SPATS2: variants seen among roughly 807,000 people sequenced by gnomAD.
SPATS2 encodes spermatogenesis-associated serine-rich protein 2.
Under a neutral mutation model 63.7 loss-of-function variants are expected in SPATS2, and 38 were observed. That is an observed-to-expected ratio of 0.60 (90% CI 0.46 to 0.78). SPATS2 has a LOEUF of 0.78. SPATS2 is among the 30% of genes least tolerant of loss of function. The pLI is 0.00. For synonymous variants in SPATS2, 207 were observed against 232.9 expected, an observed-to-expected ratio of 0.89 and a Z score of 1.01; for missense variants, 588 against 666.2, an observed-to-expected ratio of 0.88 and a Z score of 1.29.
At chr12:49,458,199 T>C (rs1285483245) in intron 2 of SPATS2, among the ~76,000 whole-genome samples, 1 of 152,182 alleles carries the variant, frequency 6.6e-6, no homozygotes, top group African/African-American at 2.4e-5. Flanking sequence ...CCAGGCATGG[T>C]GGCTCATGCC....
chr12:49,384,394 G>A (rs1218982866), intron 2 of SPATS2, among the ~76,000 whole-genome samples: 1 of 152,196 alleles, frequency 6.6e-6, no homozygotes, highest in Non-Finnish European at 1.5e-5. Flanking sequence ...GTTGAAAAGT[G>A]AAAGTCTCCC....
intron 3 of SPATS2, among the ~76,000 whole-genome samples, chr12:49,481,654 G>A (rs1341449818): frequency 6.6e-6 from 1 of 151,696 alleles, no homozygotes; most frequent in Non-Finnish European, 1.5e-5. Context: ...TTTTAGTAGA[G>A]ACGGGGTTTC....
chr12:49,485,227 C>T (rs1052017121), intron 4 of SPATS2, among the ~76,000 whole-genome samples: 6 of 151,836 alleles, frequency 4.0e-5, no homozygotes, highest in African/African-American at 1.2e-4. Flanking sequence ...CCACCATGCC[C>T]GGCTAATTTT....
At chr12:49,450,745 T>G (rs560194862) in intron 2 of SPATS2, among the ~76,000 whole-genome samples, 1 of 152,130 alleles carries the variant, frequency 6.6e-6, no homozygotes, top group African/African-American at 2.4e-5. Context: ...GGTTTCTCCA[T>G]GTTGATCAGG....
At chr12:49,418,941 ACAGTTCCTTAACTT>A (rs2137406363) in intron 2 of SPATS2, among the ~76,000 whole-genome samples, 1 of 152,312 alleles carries the variant, frequency 6.6e-6, no homozygotes, top group South Asian at 2.1e-4. Flanking sequence ...AGACTTCACT[ACAGTTCCTTAACTT>A]CAGTTGTAAT....
At chr12:49,372,562 G>A (rs185790279) in intron 2 of SPATS2, among the ~76,000 whole-genome samples, 74 of 152,206 alleles carry the variant, frequency 4.9e-4, no homozygotes, top group East Asian at 1.3e-3. Flanking sequence ...ATGAATGATC[G>A]TCTTAAGAAT....
chr12:49,401,879 G>A (rs909565278), intron 2 of SPATS2, among the ~76,000 whole-genome samples: 1 of 152,118 alleles, frequency 6.6e-6, no homozygotes, highest in Non-Finnish European at 1.5e-5. Flanking sequence ...TGTATTTTTA[G>A]TAGAGACAGG....
chr12:49,401,677 T>G (rs561813246), intron 2 of SPATS2, among the ~76,000 whole-genome samples: 1 of 152,310 alleles, frequency 6.6e-6, no homozygotes, highest in East Asian at 1.9e-4. Flanking sequence ...TTCTTTTCTT[T>G]TTTAGTTTTT....
chr12:49,449,247 GCT>G (rs1945573156), intron 2 of SPATS2, among the ~76,000 whole-genome samples: 1 of 152,028 alleles, frequency 6.6e-6, no homozygotes, highest in Non-Finnish European at 1.5e-5. Context: ...GCAGAGTCTC[GCT>G]CTGTCGCCCA....
chr12:49,373,544 C>T (rs1003515323), intron 2 of SPATS2, among the ~76,000 whole-genome samples: 50 of 152,164 alleles, frequency 3.3e-4, no homozygotes, highest in Middle Eastern at 3.4e-3. Flanking sequence ...TCAGTCCTAG[C>T]ACTTTGAGAG....
chr12:49,459,980 C>A (rs1253249220), intron 2 of SPATS2, among the ~76,000 whole-genome samples: 1 of 149,030 alleles, frequency 6.7e-6, no homozygotes, highest in Non-Finnish European at 1.5e-5. Flanking sequence ...TGGTGGCAGG[C>A]GCCTGTAATC....
At chr12:49,474,923 A>G (rs929044441) in intron 3 of SPATS2, among the ~76,000 whole-genome samples, 5 of 152,230 alleles carry the variant, frequency 3.3e-5, no homozygotes, top group Non-Finnish European at 5.9e-5. Context: ...AGCAAGTCAC[A>G]TCTTAATGTG....
At chr12:49,470,261 A>G (rs1946011823) in intron 3 of SPATS2, among the ~76,000 whole-genome samples, 2 of 152,044 alleles carry the variant, frequency 1.3e-5, no homozygotes, top group Admixed American at 1.3e-4. Context: ...TGAACTCCTG[A>G]CCTCAGGAGA....
intron 2 of SPATS2, among the ~76,000 whole-genome samples, chr12:49,383,268 C>T (rs1944255055): frequency 6.6e-6 from 1 of 152,102 alleles, no homozygotes; most frequent in South Asian, 2.1e-4. Context: ...ATCCGCCTGC[C>T]TCGGCCTCTC....
chr12:49,467,301 A>G (rs1945939917), intron 3 of SPATS2, among the ~76,000 whole-genome samples: 1 of 148,076 alleles, frequency 6.8e-6, no homozygotes, highest in African/African-American at 2.5e-5. Flanking sequence ...TGACCTCGTG[A>G]TCCGCCCACC....
intron 2 of SPATS2, among the ~76,000 whole-genome samples, chr12:49,381,604 G>A (rs1592343370): frequency 6.6e-6 from 1 of 152,302 alleles, no homozygotes; most frequent in East Asian, 1.9e-4. Context: ...TCTAGTTTTA[G>A]CTGAGATTTA....
At chr12:49,467,697 C>T (rs891058578) in intron 3 of SPATS2, among the ~76,000 whole-genome samples, 1 of 152,038 alleles carries the variant, frequency 6.6e-6, no homozygotes, top group African/African-American at 2.4e-5. Flanking sequence ...GTACACTAGA[C>T]TCTTTTTTTC....
intron 2 of SPATS2, among the ~76,000 whole-genome samples, chr12:49,437,653 C>T (rs905722803): frequency 5.3e-5 from 8 of 152,220 alleles, no homozygotes; most frequent in Non-Finnish European, 1.0e-4. Flanking sequence ...ACAGCGAAAC[C>T]CCGTCTCCAC....
At chr12:49,485,759 T>C (rs929440242) in intron 4 of SPATS2, among the ~76,000 whole-genome samples, 48 of 139,498 alleles carry the variant, frequency 3.4e-4, no homozygotes, top group African/African-American at 9.7e-4. Flanking sequence ...TGGGCTCTCT[T>C]TTTTTTTTTT....
Sources: gnomAD v4.1 joint callset for allele counts (sites outside exome capture counted in the v4.1 genomes callset) on GRCh38, gnomAD v4.1.1 for gene constraint, MANE v1.5 for transcripts, NCBI Gene and HGNC (gene_info 2026-07-23, HGNC 2026-07-21) for gene names.